Variants in LRRTM4 observed in about 807,000 individuals in gnomAD.
The protein encoded by LRRTM4 is leucine rich repeat transmembrane neuronal 4.
Under a neutral mutation model 47.6 loss-of-function variants are expected in LRRTM4, and 25 were observed. The observed-to-expected ratio is 0.53, with a 90% confidence interval of 0.38 to 0.73. LRRTM4 has a LOEUF of 0.73. Ranked by LOEUF, LRRTM4 falls within the 30% of genes least tolerant of loss-of-function variation. The probability of loss-of-function intolerance (pLI) is 0.00; values close to 1 mark genes in which losing one functional copy is unlikely to be tolerated. For synonymous variants in LRRTM4, 311 were observed against 269.5 expected (o/e 1.15, Z -1.51); for missense variants, 638 against 713.4 (o/e 0.89, Z 1.20).
intron 3 of LRRTM4, among the ~76,000 whole-genome samples, chr2:77,225,198 C>T (rs1313714352): frequency 7.9e-6 from 1 of 126,592 alleles, no homozygotes; most frequent in Non-Finnish European, 1.6e-5. Context: ...GAACATCACA[C>T]ACCGGGGACT....
chr2:76,800,115 A>G (rs1464774973), intron 3 of LRRTM4, among the ~76,000 whole-genome samples: 2 of 149,896 alleles, frequency 1.3e-5, no homozygotes, highest in Admixed American at 6.6e-5. Context: ...TAAAGTTCAT[A>G]TGGAACCAAA....
At chr2:76,899,629 G>A (rs1227621088) in intron 3 of LRRTM4, among the ~76,000 whole-genome samples, 2 of 152,108 alleles carry the variant, frequency 1.3e-5, no homozygotes, top group African/African-American at 4.8e-5. Flanking sequence ...AGCTGAAAGG[G>A]AGGAAAGGCA....
At chr2:76,784,647 C>T (rs1476233641) in intron 3 of LRRTM4, among the ~76,000 whole-genome samples, 1 of 151,986 alleles carries the variant, frequency 6.6e-6, no homozygotes, top group Non-Finnish European at 1.5e-5. Context: ...TTGAAATGAT[C>T]AATGTAATGT....
chr2:76,792,683 C>T (rs1168598091), intron 3 of LRRTM4, among the ~76,000 whole-genome samples: 2 of 151,062 alleles, frequency 1.3e-5, no homozygotes, highest in African/African-American at 2.5e-5. Context: ...TGAAGACCCT[C>T]TTATAGACTT....
At chr2:77,040,554 C>T (rs142521850) in intron 3 of LRRTM4, among the ~76,000 whole-genome samples, 2 of 151,502 alleles carry the variant, frequency 1.3e-5, no homozygotes, top group East Asian at 3.9e-4. Flanking sequence ...GTAGGCTTCT[C>T]AGTAGAGCAA....
At chr2:77,032,589 ATC>A (rs1558539529) in intron 3 of LRRTM4, among the ~76,000 whole-genome samples, 4 of 152,126 alleles carry the variant, frequency 2.6e-5, no homozygotes, top group South Asian at 2.1e-4. Context: ...ACTAATTAAG[ATC>A]TGTTTTATTC....
intron 3 of LRRTM4, among the ~76,000 whole-genome samples, chr2:77,157,108 G>A (rs2103798386): frequency 6.6e-6 from 1 of 152,066 alleles, no homozygotes; most frequent in East Asian, 1.9e-4. Context: ...ATCCAAGGAG[G>A]CATTACTTAA....
At chr2:76,912,246 G>T (rs531718663) in intron 3 of LRRTM4, among the ~76,000 whole-genome samples, 1 of 152,144 alleles carries the variant, frequency 6.6e-6, no homozygotes, top group Admixed American at 6.5e-5. Context: ...TTAGATGTAT[G>T]AATATAATAA....
chr2:77,451,595 G>T (rs1299948995), intron 3 of LRRTM4, among the ~76,000 whole-genome samples: 1 of 152,162 alleles, frequency 6.6e-6, no homozygotes, highest in Admixed American at 6.5e-5. Context: ...CACTATACTT[G>T]TAATTCTCTT....
intron 3 of LRRTM4, among the ~76,000 whole-genome samples, chr2:77,290,723 C>T (rs1012912988): frequency 3.3e-5 from 5 of 152,022 alleles, no homozygotes; most frequent in African/African-American, 1.2e-4. Context: ...AGTCCAACCT[C>T]TAGGATTAGC....
intron 3 of LRRTM4, among the ~76,000 whole-genome samples, chr2:77,304,643 A>G (rs1268515995): frequency 1.3e-5 from 2 of 152,146 alleles, no homozygotes; most frequent in African/African-American, 4.8e-5. Flanking sequence ...AGTTATGTGT[A>G]CTAATGCCCC....
chr2:77,021,696 A>G (rs533763564), intron 3 of LRRTM4, among the ~76,000 whole-genome samples: 1 of 152,332 alleles, frequency 6.6e-6, no homozygotes, highest in East Asian at 1.9e-4. Flanking sequence ...GGAGGTTAGC[A>G]AAAGAAAGTT....
intron 3 of LRRTM4, among the ~76,000 whole-genome samples, chr2:76,773,875 A>C (rs1673829981): frequency 1.3e-5 from 2 of 151,972 alleles, no homozygotes; most frequent in Non-Finnish European, 2.9e-5. Flanking sequence ...GGAATCAATA[A>C]ATTTTATTTA....
chr2:76,984,049 A>C lies in LRRTM4; in HGVS notation c.1552-235133T>G, dbSNP rs982005398. Reference sequence around the variant, plus strand: ...GTTTGTAATCATCATCTGAATGAAGATTCACCACATGGTTACCTAAACAAT... The same window carrying C: ...GTTTGTAATCATCATCTGAATGAAGCTTCACCACATGGTTACCTAAACAAT... On this transcript the variant is annotated intron_variant, in intron 3 of 3. Transcript: ENST00000409884. Among the ~76,000 whole-genome samples the C allele has an allele frequency of 2.0e-5, 3 of 152,096 alleles. No homozygotes were observed. The East Asian group carries it at 5.8e-4, about 29-fold the overall frequency.
intron 3 of LRRTM4, among the ~76,000 whole-genome samples, chr2:76,852,169 G>A (rs1156616385): frequency 3.3e-5 from 5 of 152,042 alleles, no homozygotes; most frequent in African/African-American, 9.7e-5. Flanking sequence ...AATAAGAAAG[G>A]AGGAGTTGTA....
intron 3 of LRRTM4, among the ~76,000 whole-genome samples, chr2:77,422,394 T>G (rs753428046): frequency 1.3e-5 from 2 of 152,198 alleles, no homozygotes; most frequent in Non-Finnish European, 2.9e-5. Context: ...CCATGTCTGA[T>G]GCAGAAATGT....
intron 3 of LRRTM4, among the ~76,000 whole-genome samples, chr2:76,870,745 T>G (rs1672600826): frequency 6.6e-6 from 1 of 152,130 alleles, no homozygotes; most frequent in African/African-American, 2.4e-5. Flanking sequence ...GGAGGAAGGG[T>G]GAGTCAATAT....
chr2:77,148,684 A>C (rs2103779627), intron 3 of LRRTM4, among the ~76,000 whole-genome samples: 1 of 152,314 alleles, frequency 6.6e-6, no homozygotes, highest in Non-Finnish European at 1.5e-5. Flanking sequence ...AAGCCCTTAC[A>C]ATTGATTGTA....
chr2:77,006,696 G>A (rs1446706), intron 3 of LRRTM4, among the ~76,000 whole-genome samples: 34,542 of 151,918 alleles, frequency 0.23, 4,333 homozygotes, highest in East Asian at 0.41. Flanking sequence ...GAAGAAAACC[G>A]GGAGACTAGA....
Sources: gnomAD v4.1 joint callset for allele counts (sites outside exome capture counted in the v4.1 genomes callset) on GRCh38, gnomAD v4.1.1 for gene constraint, MANE v1.5 for transcripts, NCBI Gene and HGNC (gene_info 2026-07-23, HGNC 2026-07-21) for gene names.